RALGAPA1: variants seen among roughly 807,000 people sequenced by gnomAD.
RALGAPA1 encodes the protein Ral GTPase activating protein catalytic subunit alpha 1.
A neutral mutation model predicts 269.6 loss-of-function variants in RALGAPA1; 52 were observed. The observed-to-expected ratio is 0.19, with a 90% CI of 0.15 to 0.24. The LOEUF is 0.24. Among genes scored for constraint, RALGAPA1 ranks in the 10% least tolerant of loss-of-function variants. The probability of loss-of-function intolerance (pLI) is 1.00; values close to 1 mark genes in which losing one functional copy is unlikely to be tolerated. For missense variants in RALGAPA1, 1,917 were observed against 3,013.9 expected (o/e 0.64, Z 8.52); for synonymous variants, 817 against 1,008.3 (o/e 0.81, Z 3.60).
chr14:35,591,297 T>C (rs1258701828), intron 37 of RALGAPA1, among the ~76,000 whole-genome samples: 1 of 147,466 alleles, frequency 6.8e-6, no homozygotes, highest in Admixed American at 6.7e-5. Flanking sequence ...GCTATGTATG[T>C]ATGTATGTAT....
chr14:35,733,672 A>G (rs1324243011), intron 12 of RALGAPA1, among the ~76,000 whole-genome samples: 3 of 152,174 alleles, frequency 2.0e-5, no homozygotes, highest in Admixed American at 1.3e-4. Context: ...AACTAGAGAA[A>G]CAAGAACAAA....
intron 16 of RALGAPA1, among the ~76,000 whole-genome samples, chr14:35,708,636 A>C (rs1168512652): frequency 6.6e-6 from 1 of 152,180 alleles, no homozygotes; most frequent in African/African-American, 2.4e-5. Flanking sequence ...GGGAACCCTC[A>C]CATACTGTTG....
intron 1 of RALGAPA1, among the ~76,000 whole-genome samples, chr14:35,805,199 G>A (rs1044288394): frequency 2.0e-5 from 3 of 151,832 alleles, no homozygotes; most frequent in East Asian, 1.9e-4. Flanking sequence ...TGAGGCGGGG[G>A]GACTGCCTGA....
chr14:35,766,567 T>A, intron 4 of RALGAPA1: 1 of 827,114 alleles, frequency 1.2e-6, no homozygotes, highest in South Asian at 1.3e-5. Flanking sequence ...TCTGATGGGC[T>A]ACAATATGGT....
chr14:35,594,469 T>C (rs937458591), intron 37 of RALGAPA1, among the ~76,000 whole-genome samples: 2 of 152,050 alleles, frequency 1.3e-5, no homozygotes, highest in African/African-American at 4.8e-5. Flanking sequence ...CAGACATTTA[T>C]TCAAAAACAT....
chr14:35,748,411 T>A, intron 10 of RALGAPA1, 174 bp downstream of exon 10: 11 of 465,216 alleles, frequency 2.4e-5, no homozygotes, highest in Non-Finnish European at 3.7e-5. Flanking sequence ...ATGCGGTCTC[T>A]CCATGTTGTC....
At chr14:35,665,057 A>G (rs1044626165) in intron 26 of RALGAPA1, among the ~76,000 whole-genome samples, 3 of 152,196 alleles carry the variant, frequency 2.0e-5, no homozygotes, top group Non-Finnish European at 2.9e-5. Flanking sequence ...ATTCACCCTA[A>G]TAAGTAAAAA....
intron 16 of RALGAPA1, 101 bp downstream of exon 16, chr14:35,721,587 A>T: frequency 9.1e-7 from 1 of 1,102,304 alleles, no homozygotes; most frequent in Non-Finnish European, 1.3e-6. Flanking sequence ...ATTTCACAAC[A>T]ATAATCAACT....
intron 16 of RALGAPA1, among the ~76,000 whole-genome samples, chr14:35,714,611 C>T (rs548963543): frequency 1.3e-5 from 2 of 152,220 alleles, no homozygotes; most frequent in East Asian, 1.9e-4. Flanking sequence ...TTATGAATGC[C>T]CTGTATTTAA....
Position 35,766,201 on chromosome 14 carries a change from C to T in RALGAPA1, c.326-3448G>A, listed in dbSNP as rs529274497. On this transcript the variant is annotated intron_variant, in intron 4 of 41. Transcript: ENST00000680220. ...TTAGTTTCCCATCATGGTCTCATTTCCCTGGAGGATTTGATGGAAGTGCAA... is the reference window on the plus strand; with the variant it reads ...TTAGTTTCCCATCATGGTCTCATTTTCCTGGAGGATTTGATGGAAGTGCAA... 5 of 829,064 alleles carry T rather than the reference C, an allele frequency of 6.0e-6. No individual in the cohort carries two copies. In the South Asian group the frequency reaches 6.7e-5, roughly 11 times the overall value. 51.4% of individuals were successfully genotyped at this position (829,064 alleles called of 1,614,324 possible).
intron 3 of RALGAPA1, among the ~76,000 whole-genome samples, chr14:35,773,028 CA>C (rs1555435620): frequency 6.6e-6 from 1 of 152,130 alleles, no homozygotes; most frequent in Non-Finnish European, 1.5e-5. Context: ...AGCTGGCCAA[CA>C]ACTGCATAAT....
At chr14:35,746,978 A>C (rs1678372862) in intron 10 of RALGAPA1, among the ~76,000 whole-genome samples, 1 of 152,010 alleles carries the variant, frequency 6.6e-6, no homozygotes, top group African/African-American at 2.4e-5. Context: ...TCTGGCAAGA[A>C]TCATCATTAA....
chr14:35,754,035 A>G (rs1451996691), intron 7 of RALGAPA1, among the ~76,000 whole-genome samples: 5 of 152,178 alleles, frequency 3.3e-5, no homozygotes, highest in African/African-American at 7.2e-5. Context: ...ACACTGGAAA[A>G]GCCTGGCAGA....
Position 35,599,890 on chromosome 14 carries a change from C to T in RALGAPA1, c.7054-4101G>A, listed in dbSNP as rs2059168909. Among the ~76,000 whole-genome samples, 3 of 152,286 alleles carry T rather than the reference C, an allele frequency of 2.0e-5. No homozygotes were observed. The South Asian group carries it at 6.2e-4, about 32-fold the overall frequency. On this transcript the variant is annotated intron_variant, in intron 36 of 41. Transcript: ENST00000680220. ...AGTTTCCCCCCACAGATAAGGTACACTTTTTCTCTGGATGCTTTCAAGAAT... is the reference window on the plus strand; with the variant it reads ...AGTTTCCCCCCACAGATAAGGTACATTTTTTCTCTGGATGCTTTCAAGAAT...
At chr14:35,769,065 T>TATATATATATAC (rs1237249622) in intron 4 of RALGAPA1, among the ~76,000 whole-genome samples, 14 of 77,774 alleles carry the variant, frequency 1.8e-4, no homozygotes, top group African/African-American at 6.4e-4. Context: ...TATATATATA[T>TATATATATATAC]ACACACACAT....
rs2074170403 is a variant in RALGAPA1 at position 35,766,593 on chromosome 14, G to A, written c.326-3840C>T. The A allele has an allele frequency of 5.2e-6, 4 of 764,746 alleles. No homozygotes were observed. The East Asian group carries it at 1.1e-4, about 20-fold the overall frequency. The allele number at this position is 764,746 out of a possible 1,614,324, so 47.4% of individuals were successfully genotyped here. On this transcript the variant is annotated intron_variant, in intron 4 of 41. Coordinates refer to ENST00000680220, the MANE Select transcript of RALGAPA1 (RefSeq NM_001346249.2). The stretch of plus-strand genomic sequence containing the variant: ...ACAATATGGTCACAGATGTGACACT[G>A]ATGTATCTACTGAAGCCATGTATGC...
chr14:35,631,912 CAT>C (rs2061381710), intron 33 of RALGAPA1, among the ~76,000 whole-genome samples: 1 of 152,014 alleles, frequency 6.6e-6, no homozygotes, highest in Non-Finnish European at 1.5e-5. Flanking sequence ...TTCCCTAAAA[CAT>C]AAACCTCGAA....
At chr14:35,768,796 G>A (rs939524478) in intron 4 of RALGAPA1, among the ~76,000 whole-genome samples, 1 of 151,622 alleles carries the variant, frequency 6.6e-6, no homozygotes, top group African/African-American at 2.4e-5. Context: ...ATCACCCGAG[G>A]TCGGGAGTTC....
intron 1 of RALGAPA1, among the ~76,000 whole-genome samples, chr14:35,793,248 T>C (rs192702435): frequency 3.5e-3 from 534 of 152,070 alleles, no homozygotes; most frequent in Non-Finnish European, 6.4e-3. Flanking sequence ...CTTTTTTTTT[T>C]TTTTTTGAGA....
Sources: allele counts gnomAD v4.1 joint callset (sites outside exome capture counted in the v4.1 genomes callset), GRCh38; gene constraint gnomAD v4.1.1; transcripts MANE v1.5; gene names NCBI Gene and HGNC (gene_info 2026-07-23, HGNC 2026-07-21).